SYN3: variants seen among roughly 807,000 people sequenced by gnomAD.
SYN3 encodes the protein synapsin-3.
In SYN3, 35 loss-of-function variants were observed where a neutral mutation model predicts 65.8. The observed-to-expected ratio is 0.53, with a 90% CI of 0.41 to 0.70. SYN3 has a LOEUF of 0.70. SYN3 is among the 30% of genes least tolerant of loss of function. The pLI is 0.00. For missense variants in SYN3, 680 were observed against 749.0 expected (o/e 0.91, Z 1.08); for synonymous variants, 270 against 292.9 (o/e 0.92, Z 0.80).
chr22:32,746,296 T>A (rs1484234052), intron 6 of SYN3, among the ~76,000 whole-genome samples: 1 of 152,204 alleles, frequency 6.6e-6, no homozygotes, highest in Admixed American at 6.5e-5. Flanking sequence ...TCCCAGACAG[T>A]TGGTCTGATT....
intron 6 of SYN3, chr22:32,857,867 A>C: frequency 8.5e-7 from 1 of 1,179,342 alleles, no homozygotes; most frequent in East Asian, 2.4e-5. Context: ...CCATTTTAAA[A>C]GGTGTTGGGT....
At chr22:32,857,155 C>T in intron 6 of SYN3, 1 of 966,350 alleles carries the variant, frequency 1.0e-6, no homozygotes, top group Non-Finnish European at 1.7e-6. Flanking sequence ...TTCCGATTTC[C>T]TTTCCTTTGG....
rs568995427 is a variant in SYN3, at chr22:32,619,237, G to A, written c.712-22501C>T. On this transcript the variant is annotated intron_variant, in intron 6 of 13. Transcript: ENST00000358763. ...CTGGCCTACCTAACCATATGATCGT[G>A]GCTAAGTCGCTTTACCACTGGATTT... Among the ~76,000 whole-genome samples the A allele has an allele frequency of 8.5e-5, 13 of 152,286 alleles. No homozygotes were observed. The South Asian group carries it at 1.9e-3, about 22-fold the overall frequency.
At chr22:32,739,451 T>C (rs1417492212) in intron 6 of SYN3, among the ~76,000 whole-genome samples, 1 of 151,700 alleles carries the variant, frequency 6.6e-6, no homozygotes, top group Non-Finnish European at 1.5e-5. Flanking sequence ...TAATACAGTG[T>C]CCCTTCAAAG....
At chr22:32,684,285 C>G (rs2060561695) in intron 6 of SYN3, among the ~76,000 whole-genome samples, 1 of 152,020 alleles carries the variant, frequency 6.6e-6, no homozygotes, top group South Asian at 2.1e-4. Context: ...ATAAAGTGAT[C>G]TAATCTAAAT....
At chr22:32,782,825 G>A (rs1261336478) in intron 6 of SYN3, among the ~76,000 whole-genome samples, 1 of 152,192 alleles carries the variant, frequency 6.6e-6, no homozygotes, top group East Asian at 1.9e-4. Context: ...CCCAGGCCTT[G>A]TAATTGTAGC....
chr22:32,826,062 T>C lies in SYN3; in HGVS notation c.711+38853A>G, dbSNP rs1006326200. 2.6e-5 allele frequency among the ~76,000 whole-genome samples: 4 copies of C among 152,220 alleles called. No individual in the cohort carries two copies. The East Asian group carries it at 7.7e-4, about 29-fold the overall frequency. On this transcript the variant is annotated intron_variant, in intron 6 of 13. Coordinates refer to ENST00000358763, the MANE Select transcript of SYN3 (RefSeq NM_003490.4). Reference sequence around the variant, plus strand: ...TTAGGTCATTTACACAATTATTTTATAGGTTTTTGTTTGTTTGTTGACTTC... The same window carrying C: ...TTAGGTCATTTACACAATTATTTTACAGGTTTTTGTTTGTTTGTTGACTTC...
At chr22:32,642,162 G>T (rs887661211) in intron 6 of SYN3, among the ~76,000 whole-genome samples, 1 of 151,934 alleles carries the variant, frequency 6.6e-6, no homozygotes, top group East Asian at 2.0e-4. Flanking sequence ...TGGTGCAAGC[G>T]CCTGTAATCC....
chr22:32,570,454 G>T (rs1471262099), intron 7 of SYN3, among the ~76,000 whole-genome samples: 1 of 151,862 alleles, frequency 6.6e-6, no homozygotes, highest in Non-Finnish European at 1.5e-5. Context: ...AGAATTGGAG[G>T]TTTTTGTTTT....
At chr22:32,873,545 C>A (rs1398064067) in intron 4 of SYN3, among the ~76,000 whole-genome samples, 1 of 152,136 alleles carries the variant, frequency 6.6e-6, no homozygotes, top group African/African-American at 2.4e-5. Flanking sequence ...CAGAACTCCT[C>A]CTTTTTCTAG....
chr22:32,955,206 AC>A (rs1403616745), intron 3 of SYN3, among the ~76,000 whole-genome samples: 3 of 151,948 alleles, frequency 2.0e-5, no homozygotes, highest in Non-Finnish European at 4.4e-5. Flanking sequence ...CCACCTTTGA[AC>A]CCCAAATGCA....
rs1367228303 is a variant in SYN3 at position 32,511,274 on chromosome 22, T to C, written c.*2418A>G. Among the ~76,000 whole-genome samples the C allele has an allele frequency of 2.0e-5, 3 of 152,158 alleles. No homozygotes were observed. Among genetic ancestry groups the C allele is most frequent in the Non-Finnish European group, 4.4e-5 (3 of 68,028 alleles). On this transcript the variant is annotated 3_prime_UTR_variant, in exon 14 of 14. Coordinates refer to ENST00000358763, the MANE Select transcript of SYN3 (RefSeq NM_003490.4). ...ACCGGATTATAAATGGTCTGATCTATTCCTTGCCATCACCTGACCTCCCCC... is the reference window on the plus strand; with the variant it reads ...ACCGGATTATAAATGGTCTGATCTACTCCTTGCCATCACCTGACCTCCCCC...
chr22:32,561,676 CAG>C (rs1277490412), intron 7 of SYN3, among the ~76,000 whole-genome samples: 1 of 152,156 alleles, frequency 6.6e-6, no homozygotes, highest in Non-Finnish European at 1.5e-5. Flanking sequence ...ACATTCTGAT[CAG>C]AGAGTTTGAA....
intron 6 of SYN3, among the ~76,000 whole-genome samples, chr22:32,826,599 C>G (rs1004600099): frequency 6.6e-6 from 1 of 152,116 alleles, no homozygotes. Flanking sequence ...GAAGTTAACA[C>G]TTTAAAAGAA....
chr22:32,618,399 G>A (rs1332658986), intron 6 of SYN3, among the ~76,000 whole-genome samples: 1 of 152,128 alleles, frequency 6.6e-6, no homozygotes. Context: ...CGGGCACAAG[G>A]TTTGTCTATG....
intron 7 of SYN3, among the ~76,000 whole-genome samples, chr22:32,586,551 C>T (rs1278914243): frequency 6.6e-6 from 1 of 152,048 alleles, no homozygotes; most frequent in Non-Finnish European, 1.5e-5. Context: ...ACAGTGAAAT[C>T]ATCAACAAAA....
intron 6 of SYN3, among the ~76,000 whole-genome samples, chr22:32,724,922 C>T (rs576862132): frequency 1.3e-5 from 2 of 152,238 alleles, no homozygotes; most frequent in South Asian, 4.1e-4. Context: ...AGTTCAAGAC[C>T]ACCCTGGCCA....
At chr22:32,977,896 G>A (rs1251331060) in intron 3 of SYN3, among the ~76,000 whole-genome samples, 3 of 152,108 alleles carry the variant, frequency 2.0e-5, no homozygotes, top group South Asian at 4.1e-4. Flanking sequence ...GATCCAGACA[G>A]TCATAGTCTC....
Position 32,528,876 on chromosome 22 carries a change from A to G in SYN3, c.1228T>C (p.Trp410Arg). 6.2e-7 allele frequency: 1 copy of G among 1,614,088 alleles called. No homozygotes were observed. Among genetic ancestry groups the G allele is most frequent in the Non-Finnish European group, 8.5e-7 (1 of 1,180,000 alleles). Residue 410 changes from tryptophan (W) to arginine (R), a missense_variant and splice_region_variant, in exon 11 of 14, where the codon TGG becomes CGG. By Grantham distance (101) the Trp-to-Arg change is moderately radical (BLOSUM62 -3). Coordinates refer to ENST00000358763, the MANE Select transcript of SYN3 (RefSeq NM_003490.4). ...GGTAPSPLRP[W>R]APQIKSAKSP... Reference sequence around the variant, plus strand: ...TCCTTTGATCGTGAGGGTCTTACCCAAGGTCTGAGGGGGGAGGGCGCTGTG... The same window carrying G: ...TCCTTTGATCGTGAGGGTCTTACCCGAGGTCTGAGGGGGGAGGGCGCTGTG...
Sources: allele counts gnomAD v4.1 joint callset (sites outside exome capture counted in the v4.1 genomes callset), GRCh38; gene constraint gnomAD v4.1.1; transcripts MANE v1.5; gene names NCBI Gene and HGNC (gene_info 2026-07-23, HGNC 2026-07-21).